Variants in MRPS27 observed in about 807,000 individuals in gnomAD.
MRPS27 encodes the protein small ribosomal subunit protein mS27.
MRPS27 carries 43 observed loss-of-function variants against 48.9 expected under a neutral mutation model. The observed-to-expected ratio is 0.88, with a 90% CI of 0.69 to 1.13. MRPS27 has a LOEUF of 1.13. Among genes scored for constraint, MRPS27 ranks in the 50% most tolerant of loss-of-function variants. MRPS27 has a pLI of 0.00. For missense variants in MRPS27, 467 were observed against 476.3 expected (o/e 0.98, Z 0.18); for synonymous variants, 188 against 171.9 (o/e 1.09, Z -0.73).
chr5:72,265,549 A>G (rs1400577781), intron 4 of MRPS27, among the ~76,000 whole-genome samples: 1 of 152,238 alleles, frequency 6.6e-6, no homozygotes, highest in Non-Finnish European at 1.5e-5. Flanking sequence ...TTATATAAAC[A>G]GTCTGGGCTA....
intron 4 of MRPS27, among the ~76,000 whole-genome samples, chr5:72,292,676 T>A (rs756130632): frequency 1.4e-4 from 22 of 152,222 alleles, no homozygotes; most frequent in Non-Finnish European, 3.2e-4. Flanking sequence ...TAAACTTCTT[T>A]GGCTCTAGAC....
intron 4 of MRPS27, among the ~76,000 whole-genome samples, chr5:72,280,754 GT>G (rs1361351020): frequency 2.0e-5 from 3 of 152,158 alleles, no homozygotes; most frequent in East Asian, 3.8e-4. Flanking sequence ...TGTCTAATCT[GT>G]ATTTTGATTA....
chr5:72,282,649 C>A (rs1749560156), intron 4 of MRPS27, among the ~76,000 whole-genome samples: 1 of 152,082 alleles, frequency 6.6e-6, no homozygotes, highest in Admixed American at 6.5e-5. Context: ...TTTACTTTAG[C>A]CTTCTCCTTT....
At chr5:72,275,651 A>AT (rs1349612387) in intron 4 of MRPS27, among the ~76,000 whole-genome samples, 1 of 152,200 alleles carries the variant, frequency 6.6e-6, no homozygotes, top group Admixed American at 6.5e-5. Flanking sequence ...TAGCAAAGCA[A>AT]TTTTACTTCT....
intron 4 of MRPS27, among the ~76,000 whole-genome samples, chr5:72,292,953 C>T (rs908783375): frequency 4.6e-5 from 7 of 151,978 alleles, no homozygotes; most frequent in African/African-American, 1.5e-4. Flanking sequence ...AAGTTTGCTC[C>T]GAGATGTCTA....
Position 72,232,627 on chromosome 5 carries a change from C to T in MRPS27, c.476-69G>A, listed in dbSNP as rs1259171896. The stretch of plus-strand genomic sequence containing the variant: ...GTAATATTACTAAATCTCTATTTAA[C>T]TATAAACACTCTTAAAACGTGGGGC... On this transcript the variant is annotated intron_variant, in intron 6 of 10. Transcript: ENST00000261413. The T allele has an allele frequency of 6.5e-6, 7 of 1,081,680 alleles. No homozygotes were observed. The African/African-American group carries it at 8.1e-5, about 13-fold the overall frequency. 67.0% of individuals were successfully genotyped at this position (1,081,680 alleles called of 1,614,324 possible).
At chr5:72,306,502 T>A (rs1168629451) in intron 2 of MRPS27, among the ~76,000 whole-genome samples, 1 of 152,100 alleles carries the variant, frequency 6.6e-6, no homozygotes, top group East Asian at 1.9e-4. Context: ...AAGGATGAAA[T>A]CAGCAAATCT....
chr5:72,241,863 C>T (rs936808280), intron 4 of MRPS27, among the ~76,000 whole-genome samples: 5 of 152,166 alleles, frequency 3.3e-5, no homozygotes, highest in East Asian at 1.9e-4. Flanking sequence ...TTGCTCACCT[C>T]GACAGAAGCT....
At chr5:72,248,385 A>C (rs1748563551) in intron 4 of MRPS27, among the ~76,000 whole-genome samples, 1 of 152,224 alleles carries the variant, frequency 6.6e-6, no homozygotes, top group South Asian at 2.1e-4. Context: ...TTCCGGGTTC[A>C]TCTGTTCTGG....
intron 2 of MRPS27, among the ~76,000 whole-genome samples, chr5:72,312,250 G>C (rs1055169382): frequency 6.6e-6 from 1 of 152,210 alleles, no homozygotes; most frequent in East Asian, 1.9e-4. Context: ...ATCATTAATG[G>C]AACTAACTCC....
At chr5:72,271,900 T>C (rs1016523039) in intron 4 of MRPS27, among the ~76,000 whole-genome samples, 3 of 152,298 alleles carry the variant, frequency 2.0e-5, no homozygotes, top group Non-Finnish European at 4.4e-5. Flanking sequence ...AAAAATTATA[T>C]ATAGGCTCAC....
chr5:72,242,777 CCA>C (rs1009947575), intron 4 of MRPS27, among the ~76,000 whole-genome samples: 9 of 151,856 alleles, frequency 5.9e-5, no homozygotes, highest in African/African-American at 1.9e-4. Context: ...AGCCTTTCTT[CCA>C]CGGGGTTGAA....
intron 7 of MRPS27, among the ~76,000 whole-genome samples, chr5:72,229,727 T>TA (rs752030146): frequency 1.8e-4 from 27 of 152,276 alleles, no homozygotes; most frequent in East Asian, 5.8e-4. Flanking sequence ...GTTATACTTC[T>TA]AAAGGACTTC....
intron 2 of MRPS27, among the ~76,000 whole-genome samples, chr5:72,301,261 T>G (rs1750120237): frequency 6.6e-6 from 1 of 152,218 alleles, no homozygotes; most frequent in Admixed American, 6.5e-5. Flanking sequence ...TATGACTATC[T>G]TAAAGGGATT....
chr5:72,251,742 C>A (rs1748672113), intron 4 of MRPS27, among the ~76,000 whole-genome samples: 1 of 152,148 alleles, frequency 6.6e-6, no homozygotes, highest in South Asian at 2.1e-4. Flanking sequence ...GTGGTTGGGG[C>A]AAGAGCTCAG....
At chr5:72,237,804 A>C (rs1748239333) in intron 5 of MRPS27, among the ~76,000 whole-genome samples, 1 of 152,036 alleles carries the variant, frequency 6.6e-6, no homozygotes. Flanking sequence ...TTTCTGAGTC[A>C]CTACATTTGG....
intron 4 of MRPS27, among the ~76,000 whole-genome samples, chr5:72,251,326 G>A (rs1748659188): frequency 6.6e-6 from 1 of 152,174 alleles, no homozygotes; most frequent in African/African-American, 2.4e-5. Context: ...CAACAGAGAG[G>A]CTTTTTACAA....
chr5:72,263,124 C>G (rs1188733506), intron 4 of MRPS27, among the ~76,000 whole-genome samples: 2 of 152,174 alleles, frequency 1.3e-5, no homozygotes, highest in Admixed American at 1.3e-4. Context: ...TTTGCAATGT[C>G]TAGTAAAACG....
chr5:72,234,781 T>A (rs925950316), intron 5 of MRPS27, among the ~76,000 whole-genome samples: 1 of 152,226 alleles, frequency 6.6e-6, no homozygotes, highest in South Asian at 2.1e-4. Flanking sequence ...TTTAACAATA[T>A]AGATTCCTAC....
Sources: allele counts gnomAD v4.1 joint callset (sites outside exome capture counted in the v4.1 genomes callset), GRCh38; gene constraint gnomAD v4.1.1; transcripts MANE v1.5; gene names NCBI Gene and HGNC (gene_info 2026-07-23, HGNC 2026-07-21).